Variants in PRDM16 observed in about 807,000 individuals in gnomAD.
PRDM16 encodes the protein PR/SET domain 16, also known as histone-lysine N-methyltransferase PRDM16.
Under a neutral mutation model 110.6 loss-of-function variants are expected in PRDM16, and 23 were observed. The ratio of observed to expected loss-of-function variants is 0.21; its 90% confidence interval spans 0.15 to 0.29. PRDM16 has a LOEUF of 0.29. Ranked by LOEUF, PRDM16 falls within the 10% of genes least tolerant of loss-of-function variation. PRDM16 has a pLI of 1.00. For missense variants in PRDM16, 1,615 were observed against 1,794.3 expected (o/e 0.90, Z 1.81); for synonymous variants, 799 against 781.8 (o/e 1.02, Z -0.37).
At chr1:3,142,127 C>T (rs370014882) in intron 1 of PRDM16, among the ~76,000 whole-genome samples, 2 of 152,240 alleles carry the variant, frequency 1.3e-5, no homozygotes, top group Admixed American at 6.5e-5. Flanking sequence ...CAGCCTCCAT[C>T]GGCTCCCCCC....
intron 3 of PRDM16, among the ~76,000 whole-genome samples, chr1:3,247,142 A>G (rs528594494): frequency 6.6e-6 from 1 of 152,264 alleles, no homozygotes; most frequent in Non-Finnish European, 1.5e-5. Context: ...ATAGGGGAAC[A>G]TGACGGGGGT....
intron 1 of PRDM16, among the ~76,000 whole-genome samples, chr1:3,150,966 G>A (rs1445234371): frequency 1.0e-5 from 1 of 98,636 alleles, no homozygotes; most frequent in Non-Finnish European, 2.0e-5. Flanking sequence ...ACGGGGGGCT[G>A]GTCCTAGAGC....
At chr1:3,338,421 C>G (rs1314899314) in intron 3 of PRDM16, among the ~76,000 whole-genome samples, 2 of 152,264 alleles carry the variant, frequency 1.3e-5, no homozygotes, top group Non-Finnish European at 2.9e-5. Context: ...GTTTACCCTT[C>G]AGTTATCTGA....
chr1:3,328,047 G>T (rs1641956319), intron 3 of PRDM16, among the ~76,000 whole-genome samples: 1 of 152,234 alleles, frequency 6.6e-6, no homozygotes, highest in African/African-American at 2.4e-5. Flanking sequence ...CAGGAGGGAA[G>T]ACCTGGGGGA....
intron 1 of PRDM16, among the ~76,000 whole-genome samples, chr1:3,093,506 AT>A (rs1261428802): frequency 1.3e-5 from 2 of 152,110 alleles, no homozygotes; most frequent in African/African-American, 4.8e-5. Context: ...GAGAGCCCAA[AT>A]GCCACAGGTT....
At chr1:3,111,700 G>A (rs1642799311) in intron 1 of PRDM16, among the ~76,000 whole-genome samples, 1 of 152,188 alleles carries the variant, frequency 6.6e-6, no homozygotes, top group African/African-American at 2.4e-5. Context: ...CCTTTTGTCT[G>A]CTGCCTTGGG....
intron 2 of PRDM16, among the ~76,000 whole-genome samples, chr1:3,198,185 C>T (rs548688537): frequency 2.6e-5 from 4 of 152,324 alleles, no homozygotes; most frequent in East Asian, 3.9e-4. Context: ...TCTGGACCCC[C>T]GAGCTGCAGT....
intron 12 of PRDM16, among the ~76,000 whole-genome samples, chr1:3,422,892 T>G (rs1355124828): frequency 6.6e-6 from 1 of 152,168 alleles, no homozygotes; most frequent in African/African-American, 2.4e-5. Flanking sequence ...CGGAGGCAGC[T>G]CAGCTGACCC....
intron 2 of PRDM16, among the ~76,000 whole-genome samples, chr1:3,197,686 TGGGTGGGGAGGGCGGCCCCTCCTGA>T (rs1638513672): frequency 6.6e-6 from 1 of 152,122 alleles, no homozygotes; most frequent in Non-Finnish European, 1.5e-5. Context: ...GGGAGCAGAA[TGGGTGGGGAGGGCGGCCCCTCCTGA>T]GGGTGGGCGG....
At chr1:3,103,960 G>T (rs1363433909) in intron 1 of PRDM16, among the ~76,000 whole-genome samples, 1 of 152,134 alleles carries the variant, frequency 6.6e-6, no homozygotes, top group African/African-American at 2.4e-5. Context: ...GGGAGTTAAC[G>T]GTTCAAACCT....
intron 3 of PRDM16, among the ~76,000 whole-genome samples, chr1:3,283,142 G>A (rs1051996640): frequency 6.6e-6 from 1 of 152,166 alleles, no homozygotes; most frequent in South Asian, 2.1e-4. Flanking sequence ...CCCAGTGGCC[G>A]GGCTCATGGG....
rs138510018 is a variant in PRDM16 at position 3,339,010 on chromosome 1, T to C, written c.439-46142T>C. On this transcript the variant is annotated intron_variant, in intron 3 of 16. Coordinates refer to ENST00000270722, the MANE Select transcript of PRDM16 (RefSeq NM_022114.4). This position sits in a 1 kb window ranked among gnomAD's most constrained non-coding sequence, Gnocchi z 5.0. The stretch of plus-strand genomic sequence containing the variant: ...TGACAGGCACCCCAGCAGCTGCCAT[T>C]CAGGCCAAGGAGAGGCAGTTTGGAG... Among the ~76,000 whole-genome samples the C allele has an allele frequency of 1.7e-3, 266 of 152,226 alleles. 1 individual carries two copies. The highest frequency in any genetic ancestry group is 2.5e-3 in the Non-Finnish European group (171 of 68,010).
intron 1 of PRDM16, among the ~76,000 whole-genome samples, chr1:3,178,567 G>T (rs1033817465): frequency 1.3e-5 from 2 of 152,138 alleles, no homozygotes; most frequent in African/African-American, 4.8e-5. Context: ...AAAACCTCAG[G>T]GTCAATAAGG....
At chr1:3,184,012 C>A (rs1183975297) in intron 1 of PRDM16, among the ~76,000 whole-genome samples, 1 of 152,108 alleles carries the variant, frequency 6.6e-6, no homozygotes, top group Non-Finnish European at 1.5e-5. Context: ...CCCCAATGTA[C>A]CTTTCTGCTG....
chr1:3,126,247 C>T (rs878931596), intron 1 of PRDM16, among the ~76,000 whole-genome samples: 5 of 152,176 alleles, frequency 3.3e-5, no homozygotes, highest in African/African-American at 1.2e-4. Flanking sequence ...TCGCCGCCGC[C>T]GCACGCGGCC....
intron 1 of PRDM16, among the ~76,000 whole-genome samples, chr1:3,136,051 G>A (rs1331917843): frequency 2.6e-5 from 4 of 150,990 alleles, no homozygotes; most frequent in Non-Finnish European, 4.4e-5. Flanking sequence ...GGGAGCCACA[G>A]GACACCAGGC....
intron 1 of PRDM16, among the ~76,000 whole-genome samples, chr1:3,098,299 GC>G (rs1642453155): frequency 1.3e-5 from 2 of 152,206 alleles, no homozygotes; most frequent in Non-Finnish European, 2.9e-5. Flanking sequence ...TTTTCTTGGG[GC>G]CGGCTCCCTG....
intron 2 of PRDM16, among the ~76,000 whole-genome samples, chr1:3,197,572 C>T (rs755844733): frequency 1.3e-5 from 2 of 152,240 alleles, no homozygotes; most frequent in South Asian, 2.1e-4. Flanking sequence ...CCTACGAGGG[C>T]GGCAGGAAGC....
chr1:3,381,350 GC>G (rs1275178367), intron 3 of PRDM16, among the ~76,000 whole-genome samples: 15 of 151,676 alleles, frequency 9.9e-5, no homozygotes, highest in African/African-American at 2.7e-4. Flanking sequence ...ATTGGGGAGA[GC>G]CCCAAGGCCT....
Sources: gnomAD v4.1 joint callset for allele counts (sites outside exome capture counted in the v4.1 genomes callset) on GRCh38, gnomAD v4.1.1 for gene constraint, Gnocchi (gnomAD v3.1) non-coding constraint, MANE v1.5 for transcripts, NCBI Gene and HGNC (gene_info 2026-07-23, HGNC 2026-07-21) for gene names.